ENOX1: variants seen among roughly 807,000 people sequenced by gnomAD.
ENOX1 encodes candidate growth-related and time keeping constitutive hydroquinone (NADH) oxidase.
A neutral mutation model predicts 82.5 loss-of-function variants in ENOX1; 42 were observed. The observed-to-expected ratio is 0.51, with a 90% CI of 0.40 to 0.66. The LOEUF (loss-of-function observed/expected upper bound fraction) is 0.66. ENOX1 is among the 30% of genes least tolerant of loss of function. ENOX1 has a pLI of 0.00. For missense variants in ENOX1, 608 were observed against 811.6 expected (o/e 0.75, Z 3.05); for synonymous variants, 271 against 282.2 (o/e 0.96, Z 0.40).
chr13:43,580,142 T>A (rs368973107), intron 2 of ENOX1, among the ~76,000 whole-genome samples: 1 of 152,356 alleles, frequency 6.6e-6, no homozygotes, highest in African/African-American at 2.4e-5. Context: ...CAGAACATTA[T>A]CTGGGATATT....
At chr13:43,462,212 T>C (rs2057518868) in intron 3 of ENOX1, among the ~76,000 whole-genome samples, 1 of 152,250 alleles carries the variant, frequency 6.6e-6, no homozygotes, top group Non-Finnish European at 1.5e-5. Flanking sequence ...TGTTATGTGA[T>C]TATCAGTCAT....
At chr13:43,665,761 C>T (rs2084945981) in intron 2 of ENOX1, among the ~76,000 whole-genome samples, 1 of 151,438 alleles carries the variant, frequency 6.6e-6, no homozygotes, top group Non-Finnish European at 1.5e-5. Context: ...GGTTGTTTAG[C>T]CTGGACTAAA....
chr13:43,766,428 G>A (rs539843160), intron 1 of ENOX1, among the ~76,000 whole-genome samples: 3 of 152,294 alleles, frequency 2.0e-5, no homozygotes, highest in South Asian at 4.2e-4. Context: ...GGCTACTGCT[G>A]TAACAATAAA....
intron 2 of ENOX1, among the ~76,000 whole-genome samples, chr13:43,529,682 T>G (rs1336724620): frequency 6.6e-6 from 1 of 152,084 alleles, no homozygotes; most frequent in East Asian, 1.9e-4. Flanking sequence ...CAATTGGGTT[T>G]GGTACTGTCC....
At chr13:43,721,953 C>T (rs1283143731) in intron 1 of ENOX1, among the ~76,000 whole-genome samples, 1 of 152,154 alleles carries the variant, frequency 6.6e-6, no homozygotes, top group Non-Finnish European at 1.5e-5. Context: ...AAGACAATAA[C>T]CCTGCTCTCG....
intron 1 of ENOX1, among the ~76,000 whole-genome samples, chr13:43,716,460 T>A (rs900030894): frequency 6.6e-6 from 1 of 152,122 alleles, no homozygotes; most frequent in South Asian, 2.1e-4. Flanking sequence ...TATTTGGCCA[T>A]CTTCGCTCCG....
chr13:43,714,242 C>T (rs2087946752), intron 1 of ENOX1, among the ~76,000 whole-genome samples: 1 of 152,250 alleles, frequency 6.6e-6, no homozygotes, highest in South Asian at 2.1e-4. Context: ...GTTTCTTAAT[C>T]CCGAGTTCTA....
intron 3 of ENOX1, among the ~76,000 whole-genome samples, chr13:43,417,250 G>A (rs1035100980): frequency 1.3e-5 from 2 of 150,838 alleles, no homozygotes; most frequent in Non-Finnish European, 3.0e-5. Context: ...GACGGGAGAG[G>A]GAGAGGGAGA....
intron 1 of ENOX1, among the ~76,000 whole-genome samples, chr13:43,721,468 T>C (rs1191455676): frequency 7.6e-6 from 1 of 130,934 alleles, no homozygotes; most frequent in Non-Finnish European, 1.6e-5. Context: ...AAGCTCCGCC[T>C]CCCGGGTTCA....
intron 16 of ENOX1, among the ~76,000 whole-genome samples, chr13:43,218,472 C>A (rs1241317063): frequency 1.3e-5 from 2 of 152,096 alleles, no homozygotes; most frequent in South Asian, 2.1e-4. Flanking sequence ...ACAAAACATA[C>A]AAAAATTAGC....
At chr13:43,483,345 T>G (rs368128715) in intron 3 of ENOX1, among the ~76,000 whole-genome samples, 1 of 152,252 alleles carries the variant, frequency 6.6e-6, no homozygotes, top group Non-Finnish European at 1.5e-5. Flanking sequence ...TTTTACTTGG[T>G]ACTATCTCAA....
chr13:43,745,895 G>C (rs996360275), intron 1 of ENOX1, among the ~76,000 whole-genome samples: 1 of 152,140 alleles, frequency 6.6e-6, no homozygotes, highest in African/African-American at 2.4e-5. Flanking sequence ...GGACATGTTT[G>C]CTTCCCCTTC....
intron 1 of ENOX1, among the ~76,000 whole-genome samples, chr13:43,741,862 T>C (rs971564264): frequency 1.3e-5 from 2 of 152,240 alleles, no homozygotes; most frequent in Non-Finnish European, 2.9e-5. Context: ...AATAGTTTTA[T>C]AGCTTTAGGT....
chr13:43,576,707 G>T (rs2080441562), intron 2 of ENOX1, among the ~76,000 whole-genome samples: 1 of 152,132 alleles, frequency 6.6e-6, no homozygotes, highest in South Asian at 2.1e-4. Flanking sequence ...TATCGTAATT[G>T]TAACAGTAGC....
At chr13:43,540,479 A>G (rs900020764) in intron 2 of ENOX1, among the ~76,000 whole-genome samples, 1 of 152,214 alleles carries the variant, frequency 6.6e-6, no homozygotes, top group East Asian at 1.9e-4. Context: ...TGGCAGCATG[A>G]TAAGACTCCC....
intron 3 of ENOX1, among the ~76,000 whole-genome samples, chr13:43,421,612 T>C (rs2054980252): frequency 6.6e-6 from 1 of 152,152 alleles, no homozygotes; most frequent in African/African-American, 2.4e-5. Flanking sequence ...CAGTTTTCTG[T>C]TAAGGCAGAA....
chr13:43,310,135 G>A (rs1238248171), intron 11 of ENOX1, among the ~76,000 whole-genome samples: 2 of 95,582 alleles, frequency 2.1e-5, no homozygotes, highest in Non-Finnish European at 4.2e-5. Flanking sequence ...CCCGGGAGAG[G>A]TTGCAATGAG....
At chr13:43,577,985 T>TA (rs34256833) in intron 2 of ENOX1, among the ~76,000 whole-genome samples, 28 of 151,562 alleles carry the variant, frequency 1.8e-4, no homozygotes, top group Admixed American at 3.3e-4. Context: ...GGAAACTATA[T>TA]AAAAAAAAGG....
intron 2 of ENOX1, among the ~76,000 whole-genome samples, chr13:43,576,471 A>G (rs1257137383): frequency 6.6e-6 from 1 of 152,202 alleles, no homozygotes; most frequent in Non-Finnish European, 1.5e-5. Context: ...GATGAGCAAT[A>G]TGGCAGCCAC....
Sources: gnomAD v4.1 joint callset for allele counts (sites outside exome capture counted in the v4.1 genomes callset) on GRCh38, gnomAD v4.1.1 for gene constraint, MANE v1.5 for transcripts, NCBI Gene and HGNC (gene_info 2026-07-23, HGNC 2026-07-21) for gene names.